Variants in SLTM observed in about 807,000 individuals in gnomAD.
SLTM encodes SAFB-like transcription modulator.
A neutral mutation model predicts 134.6 loss-of-function variants in SLTM; 43 were observed. That is an observed-to-expected ratio of 0.32 (90% CI 0.25 to 0.41). SLTM has a LOEUF of 0.41. Ranked by LOEUF, SLTM falls within the 10% of genes least tolerant of loss-of-function variation. The pLI, the probability that SLTM is intolerant of heterozygous loss-of-function variation, is 1.00. For synonymous variants in SLTM, 424 were observed against 432.3 expected (o/e 0.98, Z 0.24); for missense variants, 1,055 against 1,288.8 (o/e 0.82, Z 2.78).
chr15:58,929,059 G>A (rs137984116), intron 2 of SLTM, among the ~76,000 whole-genome samples: 33 of 152,228 alleles, frequency 2.2e-4, no homozygotes, highest in African/African-American at 7.9e-4. Flanking sequence ...GAAAACAGGC[G>A]CACTGAAGGA....
In SLTM at chr15:58,899,284, C is replaced by G. The variant is rs185582706; in HGVS notation, c.1058+185G>C. On this transcript the variant is annotated intron_variant, in intron 7 of 20. Transcript: ENST00000380516. The surrounding 1 kb of genome is among the most constrained non-coding windows in gnomAD (Gnocchi z 5.0). ...ACATTCGACAATGCAATCAGTAGAA[C>G]ACACTGCATTATTATGAAGATCTTG... is the stretch of plus-strand genomic sequence containing the variant. 1 of 574,788 alleles carries G rather than the reference C, an allele frequency of 1.7e-6. No homozygotes were observed. Among genetic ancestry groups the G allele is most frequent in the African/African-American group, 1.9e-5 (1 of 52,942 alleles). 35.6% of individuals were successfully genotyped at this position (574,788 alleles called of 1,614,324 possible).
intron 5 of SLTM, among the ~76,000 whole-genome samples, chr15:58,902,766 C>T (rs1375072517): frequency 6.6e-6 from 1 of 151,730 alleles, no homozygotes; most frequent in African/African-American, 2.4e-5. Context: ...CTCTGTCCAC[C>T]AGGCTGGAGT....
chr15:58,925,977 A>G (rs1395300526), intron 2 of SLTM, among the ~76,000 whole-genome samples: 1 of 152,238 alleles, frequency 6.6e-6, no homozygotes, highest in Non-Finnish European at 1.5e-5. Flanking sequence ...TGACCAGCAG[A>G]GAGATGAATA....
chr15:58,927,975 A>T (rs2037601983), intron 2 of SLTM, among the ~76,000 whole-genome samples: 1 of 152,246 alleles, frequency 6.6e-6, no homozygotes, highest in South Asian at 2.1e-4. Context: ...ATAAATATGT[A>T]GTCTGTGGTA....
At chr15:58,904,858 G>A (rs546805452) in intron 5 of SLTM, among the ~76,000 whole-genome samples, 9 of 152,202 alleles carry the variant, frequency 5.9e-5, no homozygotes, top group Non-Finnish European at 7.4e-5. Context: ...TTACAGGTGC[G>A]TACCACTACG....
chr15:58,900,069 A>C, intron 6 of SLTM, 132 bp from the exon 7 acceptor site: 1 of 686,908 alleles, frequency 1.5e-6, no homozygotes, highest in Non-Finnish European at 2.4e-6. Flanking sequence ...AAAAAAAAAA[A>C]AAACACAAGG....
In SLTM at chr15:58,933,404, C is replaced by T; in HGVS notation, c.162G>A (p.Gln54=). The change falls in exon 1 of 21, where the codon CAG becomes CAA. Residue 54 remains glutamine (Q), a splice_region_variant and synonymous_variant. Coordinates refer to ENST00000380516, the MANE Select transcript of SLTM (RefSeq NM_024755.4). Reference sequence around the variant, plus strand: ...CTTTCCGGTCCTCGCCGGGCCTCACCTGCTTGAGTCGGGAGATGAGCACGG... The same window carrying T: ...CTTTCCGGTCCTCGCCGGGCCTCACTTGCTTGAGTCGGGAGATGAGCACGG... ...VKTVLISRLK[Q]AIEEEGGDPD... 6.3e-7 allele frequency: 1 copy of T among 1,578,044 alleles called. No homozygotes were observed. The highest frequency in any genetic ancestry group is 8.6e-7 in the Non-Finnish European group (1 of 1,162,392).
intron 5 of SLTM, among the ~76,000 whole-genome samples, chr15:58,902,763 C>T (rs1366969952): frequency 6.6e-6 from 1 of 151,134 alleles, no homozygotes; most frequent in Non-Finnish European, 1.5e-5. Context: ...TTGCTCTGTC[C>T]ACCAGGCTGG....
intron 5 of SLTM, among the ~76,000 whole-genome samples, chr15:58,909,453 T>C (rs1419838677): frequency 6.6e-6 from 1 of 152,202 alleles, no homozygotes; most frequent in Non-Finnish European, 1.5e-5. Context: ...ATATCCTGGC[T>C]TTCCTGTGTA....
At chr15:58,897,003 G>A in intron 9 of SLTM, 112 bp downstream of exon 9, 1 of 695,414 alleles carries the variant, frequency 1.4e-6, no homozygotes. Context: ...TCTATTAACA[G>A]TCCTAAGAGA....
intron 2 of SLTM, among the ~76,000 whole-genome samples, chr15:58,928,417 T>A (rs1027574358): frequency 9.9e-5 from 15 of 152,142 alleles, no homozygotes; most frequent in African/African-American, 2.9e-4. Flanking sequence ...ACAAAGAGAG[T>A]GTGAAGACTC....
chr15:58,931,445 G>T (rs756899234), intron 2 of SLTM, among the ~76,000 whole-genome samples: 1 of 152,106 alleles, frequency 6.6e-6, no homozygotes, highest in Non-Finnish European at 1.5e-5. Flanking sequence ...ATCATTCAGT[G>T]GTTGGGAGTA....
chr15:58,916,860 C>CA (rs1300526266), intron 3 of SLTM, 75 bp downstream of exon 3: 10 of 1,358,442 alleles, frequency 7.4e-6, no homozygotes, highest in Non-Finnish European at 1.0e-5. Flanking sequence ...CATTGTTCAA[C>CA]AAAAAGCACA....
intron 2 of SLTM, among the ~76,000 whole-genome samples, chr15:58,930,193 C>G (rs2037768220): frequency 1.3e-5 from 2 of 151,992 alleles, no homozygotes; most frequent in Non-Finnish European, 2.9e-5. Context: ...CAACCTCCAC[C>G]TCCTGGGTTC....
At chr15:58,912,481 G>T in intron 5 of SLTM, 82 bp downstream of exon 5, 1 of 1,132,888 alleles carries the variant, frequency 8.8e-7, no homozygotes, top group Non-Finnish European at 1.3e-6. Flanking sequence ...ATGAATTAAA[G>T]AATTATGAAG....
rs753507656 is a variant in SLTM at position 58,887,356 on chromosome 15, T to C, written c.2560A>G (p.Arg854Gly). Residue 854 changes from arginine (R) to glycine (G), a missense_variant, in exon 18 of 21, where the codon AGA becomes GGA. Physicochemically the swap from Arg to Gly is moderately radical, Grantham distance 125 (BLOSUM62 -2). This residue lies in a region of SLTM where 776 missense variants were observed against 962.2 expected (regional missense o/e 0.81). Transcript: ENST00000380516. ...GGCCTGTCATGAATAATCACCGTTC[T>C]CCTTTCGTCTCGCTCCCCTCGTACT... ...REVRGERDER[R>G]TVIIHDRPDI... is the part of the protein sequence containing the mutation. The C allele has an allele frequency of 5.6e-6, 9 of 1,614,032 alleles. No homozygotes were observed. Among genetic ancestry groups the C allele is most frequent in the Middle Eastern group, 1.6e-4 (1 of 6,062 alleles).
intron 2 of SLTM, among the ~76,000 whole-genome samples, chr15:58,918,333 T>C (rs2036789794): frequency 6.6e-6 from 1 of 152,174 alleles, no homozygotes; most frequent in Non-Finnish European, 1.5e-5. Flanking sequence ...ACAGTGCTAC[T>C]ACCTAGTTCA....
At chr15:58,886,220 T>TGA (rs1426216678) in intron 19 of SLTM, among the ~76,000 whole-genome samples, 1 of 26,702 alleles carries the variant, frequency 3.7e-5, no homozygotes, top group Non-Finnish European at 7.2e-5. Flanking sequence ...AAAAGAAGAG[T>TGA]GTGTGTGTGT....
In SLTM at chr15:58,886,961, C is replaced by T. The variant is rs1394627466; in HGVS notation, c.2835+14G>A. ...ATGTGTGCAGGCTCGCGGCAAGCCT[C>T]CCGCAGCACTTACCTGTGATCCACC... On this transcript the variant is annotated intron_variant, in intron 19 of 20. Coordinates refer to ENST00000380516, the MANE Select transcript of SLTM (RefSeq NM_024755.4). 5 of 1,611,958 alleles carry T rather than the reference C, an allele frequency of 3.1e-6. No homozygotes were observed. Among genetic ancestry groups the T allele is most frequent in the South Asian group, 1.1e-5 (1 of 90,972 alleles).
Sources: gnomAD v4.1 joint callset for allele counts (sites outside exome capture counted in the v4.1 genomes callset) on GRCh38, gnomAD v4.1.1 for gene constraint, gnomAD v4.1.1 regional missense constraint, Gnocchi (gnomAD v3.1) non-coding constraint, MANE v1.5 for transcripts, NCBI Gene and HGNC (gene_info 2026-07-23, HGNC 2026-07-21) for gene names.